GALNT13: variants seen among roughly 807,000 people sequenced by gnomAD.
GALNT13 encodes the protein polypeptide N-acetylgalactosaminyltransferase 13, also known as UDP-GalNAc:polypeptide N-acetylgalactosaminyltransferase 13.
A neutral mutation model predicts 64.2 loss-of-function variants in GALNT13; 28 were observed. The ratio of observed to expected loss-of-function variants is 0.44; its 90% CI spans 0.32 to 0.60. GALNT13 has a LOEUF of 0.60. Ranked by LOEUF, GALNT13 falls within the 20% of genes least tolerant of loss-of-function variation. The pLI is 0.05. For missense variants in GALNT13, 577 were observed against 669.8 expected (o/e 0.86, Z 1.53); for synonymous variants, 214 against 224.6 (o/e 0.95, Z 0.42).
At chr2:153,266,378 T>C in the GALNT13 span, among the ~76,000 whole-genome samples, 1 of 152,222 alleles carries the variant, frequency 6.6e-6, no homozygotes, top group Non-Finnish European at 1.5e-5. Flanking sequence ...TAAATGTAAA[T>C]TCGTGTTGGA....
chr2:153,311,612 C>T, the GALNT13 span, among the ~76,000 whole-genome samples: 10 of 152,212 alleles, frequency 6.6e-5, no homozygotes, highest in Non-Finnish European at 1.3e-4. Context: ...GCCTCCCTCA[C>T]GTGGCTGTTG....
At chr2:153,092,812 T>G in the GALNT13 span, among the ~76,000 whole-genome samples, 75 of 152,324 alleles carry the variant, frequency 4.9e-4, no homozygotes, top group African/African-American at 1.7e-3. Context: ...TTTCCAATTT[T>G]AATTTCCTCT....
upstream of GALNT13, among the ~76,000 whole-genome samples, chr2:153,870,074 C>A (rs1685827743): frequency 6.6e-6 from 1 of 151,882 alleles, no homozygotes; most frequent in African/African-American, 2.4e-5. Context: ...CATCCTAGAT[C>A]TCTAAACCAA....
At chr2:154,246,527 T>C (rs146525044) in intron 7 of GALNT13, among the ~76,000 whole-genome samples, 2 of 152,242 alleles carry the variant, frequency 1.3e-5, no homozygotes, top group Admixed American at 1.3e-4. Context: ...AAATATGCAC[T>C]TACTTGTAAT....
chr2:153,268,782 G>A, the GALNT13 span, among the ~76,000 whole-genome samples: 1 of 152,146 alleles, frequency 6.6e-6, no homozygotes, highest in Non-Finnish European at 1.5e-5. Flanking sequence ...GCACCTGCAG[G>A]CCCAACAACA....
chr2:154,230,348 A>C (rs932797213), intron 4 of GALNT13, among the ~76,000 whole-genome samples: 4 of 152,150 alleles, frequency 2.6e-5, no homozygotes, highest in African/African-American at 9.6e-5. Flanking sequence ...CCAGGCAACT[A>C]ATTGTTAACT....
At chr2:153,080,089 GT>G in the GALNT13 span, among the ~76,000 whole-genome samples, 1 of 152,114 alleles carries the variant, frequency 6.6e-6, no homozygotes, top group Admixed American at 6.5e-5. Context: ...ATTTCCTGTG[GT>G]TTTTGTCTAA....
At chr2:153,902,878 G>T (rs1688325194) in intron 2 of GALNT13, among the ~76,000 whole-genome samples, 1 of 152,006 alleles carries the variant, frequency 6.6e-6, no homozygotes, top group African/African-American at 2.4e-5. Context: ...CTGACATTTG[G>T]GGCCATTTAG....
the GALNT13 span, among the ~76,000 whole-genome samples, chr2:153,220,895 A>G: frequency 5.3e-5 from 8 of 152,246 alleles, no homozygotes; most frequent in African/African-American, 1.9e-4. Flanking sequence ...TATACCAATT[A>G]AAAGACACTG....
chr2:153,258,575 T>G, the GALNT13 span, among the ~76,000 whole-genome samples: 1 of 152,184 alleles, frequency 6.6e-6, no homozygotes, highest in Non-Finnish European at 1.5e-5. Flanking sequence ...TTTCTATTGT[T>G]TTGATGTAGG....
chr2:153,364,302 G>C, the GALNT13 span, among the ~76,000 whole-genome samples: 5 of 151,996 alleles, frequency 3.3e-5, no homozygotes, highest in East Asian at 9.7e-4. Flanking sequence ...GCAAAACCTG[G>C]AAGCATTCCC....
At chr2:153,282,120 AT>A in the GALNT13 span, among the ~76,000 whole-genome samples, 21 of 151,200 alleles carry the variant, frequency 1.4e-4, no homozygotes, top group Admixed American at 1.1e-3. Flanking sequence ...ATCTTAAAAA[AT>A]TTTTTTTTCT....
At chr2:153,092,054 T>G in the GALNT13 span, among the ~76,000 whole-genome samples, 2 of 152,240 alleles carry the variant, frequency 1.3e-5, no homozygotes, top group African/African-American at 2.4e-5. Context: ...TTCATTCTTC[T>G]GCATATGGGT....
intron 3 of GALNT13, among the ~76,000 whole-genome samples, chr2:154,127,949 T>C (rs1384737635): frequency 6.6e-6 from 1 of 151,954 alleles, no homozygotes. Context: ...TTATTACTTA[T>C]CCTTAGAGCA....
intron 11 of GALNT13, among the ~76,000 whole-genome samples, chr2:154,414,077 T>A (rs1699904275): frequency 6.6e-6 from 1 of 152,052 alleles, no homozygotes. Flanking sequence ...ACCAAGCCTA[T>A]CAATTTCCTT....
At chr2:154,023,340 G>T (rs1574354265) in intron 3 of GALNT13, among the ~76,000 whole-genome samples, 1 of 152,232 alleles carries the variant, frequency 6.6e-6, no homozygotes, top group Admixed American at 6.5e-5. Flanking sequence ...TCTCTTTGTA[G>T]GTCACTAAGG....
At chr2:153,956,582 T>A (rs1469424601) in intron 3 of GALNT13, among the ~76,000 whole-genome samples, 1 of 152,176 alleles carries the variant, frequency 6.6e-6, no homozygotes, top group Non-Finnish European at 1.5e-5. Context: ...TCTTATAAAA[T>A]TACTCTTTCT....
intron 4 of GALNT13, among the ~76,000 whole-genome samples, chr2:154,225,483 A>G (rs1688567441): frequency 6.6e-6 from 1 of 152,040 alleles, no homozygotes; most frequent in Non-Finnish European, 1.5e-5. Flanking sequence ...TCATTCAGCA[A>G]TTTAATTTCT....
At chr2:154,051,447 C>G (rs369012132) in intron 3 of GALNT13, among the ~76,000 whole-genome samples, 2 of 151,164 alleles carry the variant, frequency 1.3e-5, no homozygotes, top group African/African-American at 4.9e-5. Context: ...CCCGCCACCG[C>G]GCCCGGCTAA....
Sources: allele counts gnomAD v4.1 joint callset (sites outside exome capture counted in the v4.1 genomes callset), GRCh38; gene constraint gnomAD v4.1.1; transcripts MANE v1.5; gene names NCBI Gene and HGNC (gene_info 2026-07-23, HGNC 2026-07-21).